The following CCDC88C variants were observed in gnomAD, a reference collection of about 807,000 sequenced individuals.
The protein encoded by CCDC88C is coiled-coil and HOOK domain protein 88C.
CCDC88C carries 131 observed loss-of-function variants against 198.8 expected under a neutral mutation model. The ratio of observed to expected loss-of-function variants is 0.66; its 90% CI spans 0.57 to 0.76. The LOEUF is 0.76. Ranked by LOEUF, CCDC88C falls within the 30% of genes least tolerant of loss-of-function variation. The probability of loss-of-function intolerance (pLI) is 0.00; values close to 1 mark genes in which losing one functional copy is unlikely to be tolerated. For missense variants in CCDC88C, 2,553 were observed against 2,631.6 expected (o/e 0.97, Z 0.65); for synonymous variants, 1,166 against 1,114.7 (o/e 1.05, Z -0.92).
intron 3 of CCDC88C, among the ~76,000 whole-genome samples, chr14:91,395,344 G>T (rs528091622): frequency 2.0e-5 from 3 of 152,088 alleles, no homozygotes; most frequent in African/African-American, 7.2e-5. Context: ...TTAAAGAAAC[G>T]TCTTGTGATC....
intron 14 of CCDC88C, 83 bp from the exon 15 acceptor site, chr14:91,314,233 GAGA>G (rs1028011230): frequency 8.6e-7 from 1 of 1,164,828 alleles, no homozygotes; most frequent in African/African-American, 1.5e-5. Context: ...GGATGGGAGA[GAGA>G]AGGCCTTGAA....
At chr14:91,364,779 G>A (rs1596116128) in intron 3 of CCDC88C, among the ~76,000 whole-genome samples, 1 of 152,316 alleles carries the variant, frequency 6.6e-6, no homozygotes, top group East Asian at 1.9e-4. Flanking sequence ...AGAGCATGCT[G>A]CATCTCAAGG....
chr14:91,283,476 C>A lies in CCDC88C; in HGVS notation c.4483G>T (p.Gly1495Cys). ...LKPKRGSPHR[G>C]SLDRTDASTD... The stretch of plus-strand genomic sequence containing the variant: ...GAGGCATCTGTGCGGTCAAGGCTGC[C>A]TCTGTGTGGGGAGCCTCGCTTTGGT... The change falls in exon 26 of 30, where the codon GGC becomes TGC. Residue 1495 changes from glycine (G) to cysteine (C), a missense_variant. Around this residue, in one of 2 missense-constraint regions of CCDC88C, gnomAD observed 1,293 missense variants for 1,219.6 expected, o/e 1.06. Coordinates refer to ENST00000389857, the MANE Select transcript of CCDC88C (RefSeq NM_001080414.4). 1 of 1,612,984 alleles carries A rather than the reference C, an allele frequency of 6.2e-7. No homozygotes were observed.
chr14:91,303,693 G>C lies in CCDC88C; in HGVS notation c.3635+8C>G. On this transcript the variant is annotated splice_region_variant and intron_variant, in intron 20 of 29. Coordinates refer to ENST00000389857, the MANE Select transcript of CCDC88C (RefSeq NM_001080414.4). ...CTCCCCAGATCCCCTTCCTTCCCCAGGCCCTACCTCTCCCCGAGCTCCTTG... is the reference window on the plus strand; with the variant it reads ...CTCCCCAGATCCCCTTCCTTCCCCACGCCCTACCTCTCCCCGAGCTCCTTG... The C allele has an allele frequency of 6.4e-7, 1 of 1,565,514 alleles. No individual in the cohort carries two copies. The highest frequency in any genetic ancestry group is 8.7e-7 in the Non-Finnish European group (1 of 1,153,816).
rs943896153 is a variant in CCDC88C at position 91,303,613 on chromosome 14, C to T, written c.3635+88G>A. 13 of 1,365,682 alleles carry T rather than the reference C, an allele frequency of 9.5e-6. No homozygotes were observed. The African/African-American group carries it at 1.9e-4, about 20-fold the overall frequency. The allele number at this position is 1,365,682 out of a possible 1,614,324, so 84.6% of individuals were successfully genotyped here. The stretch of plus-strand genomic sequence containing the variant: ...TGCCTCTCCCCTAGGTCCCACCCAT[C>T]TACCCCAGGCCCCACCTTTCCCCCT... On this transcript the variant is annotated intron_variant, in intron 20 of 29. Transcript: ENST00000389857.
At chr14:91,290,930 C>T in intron 24 of CCDC88C, 65 bp downstream of exon 24, 1 of 985,356 alleles carries the variant, frequency 1.0e-6, no homozygotes, top group Non-Finnish European at 1.6e-6. Flanking sequence ...GCTGCTTTCA[C>T]CCTGTGCACA....
At chr14:91,380,651 G>A (rs540779892) in intron 3 of CCDC88C, among the ~76,000 whole-genome samples, 1 of 151,962 alleles carries the variant, frequency 6.6e-6, no homozygotes, top group South Asian at 2.1e-4. Context: ...GAATATTGGC[G>A]TTTTCTTACA....
At chr14:91,392,851 G>A (rs1036378021) in intron 3 of CCDC88C, among the ~76,000 whole-genome samples, 3 of 151,818 alleles carry the variant, frequency 2.0e-5, no homozygotes, top group African/African-American at 7.3e-5. Context: ...CGGAGTCCCC[G>A]CCCTGAGTGA....
At chr14:91,343,876 G>A (rs1893407884) in intron 4 of CCDC88C, among the ~76,000 whole-genome samples, 1 of 152,142 alleles carries the variant, frequency 6.6e-6, no homozygotes, top group South Asian at 2.1e-4. Context: ...CTGGAGTGCA[G>A]TGGCAGGCCC....
At chr14:91,344,985 G>C (rs1304956028) in intron 4 of CCDC88C, among the ~76,000 whole-genome samples, 1 of 150,768 alleles carries the variant, frequency 6.6e-6, no homozygotes, top group African/African-American at 2.4e-5. Context: ...TTGTAGACAG[G>C]GTCTCATAAT....
chr14:91,283,687 G>C (rs377091200), intron 25 of CCDC88C, 170 bp from the exon 26 acceptor site: 6 of 634,550 alleles, frequency 9.5e-6, no homozygotes, highest in Non-Finnish European at 1.6e-5. Flanking sequence ...CGGGGCAGGT[G>C]GGGGCAAGAG....
At chr14:91,304,078 A>G in intron 19 of CCDC88C, 100 bp from the exon 20 acceptor site, 3 of 1,405,628 alleles carry the variant, frequency 2.1e-6, no homozygotes, top group Non-Finnish European at 2.9e-6. Context: ...AATAGCCGGG[A>G]CCCTCAGGGC....
At chr14:91,337,951 T>C in intron 10 of CCDC88C, 54 bp downstream of exon 10, 1 of 1,597,254 alleles carries the variant, frequency 6.3e-7, no homozygotes, top group South Asian at 1.1e-5. Context: ...CTGAATGTGC[T>C]TCTCAGGAAT....
chr14:91,371,042 G>C lies in CCDC88C; in HGVS notation c.271-11331C>G, dbSNP rs963159594. Among the ~76,000 whole-genome samples, 3 of 152,182 alleles carry C rather than the reference G, an allele frequency of 2.0e-5. No homozygotes were observed. Among genetic ancestry groups the C allele is most frequent in the South Asian group, 2.1e-4 (1 of 4,826 alleles). On this transcript the variant is annotated intron_variant, in intron 3 of 29. Transcript: ENST00000389857. This position sits in a 1 kb window ranked among gnomAD's most constrained non-coding sequence, Gnocchi z 4.2. ...TGAGGCAGAAGGACTTCAAGGATTA[G>C]GCTAAGGATGGAGAGAGCAGGACCC...
At position 91,273,166 on chromosome 14, in the gene CCDC88C, G is replaced by A; in HGVS notation, c.5546C>T (p.Ala1849Val). 6.3e-7 allele frequency: 1 copy of A among 1,580,002 alleles called. No homozygotes were observed. Residue 1849 changes from alanine (A) to valine (V), a missense_variant, in exon 30 of 30, where the codon GCA becomes GTA. Ala to Val is a moderately conservative substitution (Grantham distance 64). Around this residue, in one of 2 missense-constraint regions of CCDC88C, gnomAD observed 1,293 missense variants for 1,219.6 expected, o/e 1.06. Coordinates refer to ENST00000389857, the MANE Select transcript of CCDC88C (RefSeq NM_001080414.4). The surrounding 1 kb of genome is among the most constrained non-coding windows in gnomAD (Gnocchi z 5.6). ...ETGSHTLQSP[A>V]PPSSHSLARE... ...GGCCAGGCTATGGGAGCTGGGGGGT[G>A]CGGGGCTTTGCAGGGTGTGGCTGCC...
intron 3 of CCDC88C, among the ~76,000 whole-genome samples, chr14:91,389,090 G>A (rs117922297): frequency 1.9e-3 from 295 of 152,316 alleles, no homozygotes; most frequent in Admixed American, 3.9e-3. Flanking sequence ...GAAGTACACA[G>A]AGACACTCCT....
Position 91,295,592 on chromosome 14 carries a change from T to TG in CCDC88C, c.3967-1275dup, listed in dbSNP as rs139567000. ...GAGGGCCAGTGCATCCCAGTAACGA[T>TG]GGGGGAGCTGCTCTTCCACCTCATT... On this transcript the variant is annotated intron_variant, in intron 22 of 29. Coordinates refer to ENST00000389857, the MANE Select transcript of CCDC88C (RefSeq NM_001080414.4). Among the ~76,000 whole-genome samples, 181 of 152,264 alleles carry TG rather than the reference T, an allele frequency of 1.2e-3. 2 individuals are homozygous for TG. Among genetic ancestry groups the TG allele is most frequent in the African/African-American group, 4.2e-3 (173 of 41,552 alleles).
chr14:91,307,338 G>A lies in CCDC88C; in HGVS notation c.3007-112C>T, dbSNP rs184140985. 567 of 891,964 alleles carry A rather than the reference G, an allele frequency of 6.4e-4. 1 individual carries two copies. In the African/African-American group the frequency reaches 8.1e-3, roughly 13 times the overall value. The allele number at this position is 891,964 out of a possible 1,614,324, so 55.3% of individuals were successfully genotyped here. ...CACACCCTCCACACTCCCCATACTCGCCCGCCCTGGTCTGTGTAAGCCAGA... is the reference window on the plus strand; with the variant it reads ...CACACCCTCCACACTCCCCATACTCACCCGCCCTGGTCTGTGTAAGCCAGA... On this transcript the variant is annotated intron_variant, in intron 17 of 29. Coordinates refer to ENST00000389857, the MANE Select transcript of CCDC88C (RefSeq NM_001080414.4).
intron 23 of CCDC88C, 71 bp from the exon 24 acceptor site, chr14:91,291,155 C>T (rs1006626892): frequency 1.1e-6 from 1 of 882,692 alleles, no homozygotes; most frequent in Admixed American, 2.0e-5. Flanking sequence ...CTCATCGGCC[C>T]AGCCTGGAAC....
Sources: gnomAD v4.1 joint callset for allele counts (sites outside exome capture counted in the v4.1 genomes callset) on GRCh38, gnomAD v4.1.1 for gene constraint, gnomAD v4.1.1 regional missense constraint, Gnocchi (gnomAD v3.1) non-coding constraint, MANE v1.5 for transcripts, NCBI Gene and HGNC (gene_info 2026-07-23, HGNC 2026-07-21) for gene names.